MACROD2: variants seen among roughly 807,000 people sequenced by gnomAD.
The protein encoded by MACROD2 is ADP-ribose glycohydrolase MACROD2.
Under a neutral mutation model 70.4 loss-of-function variants are expected in MACROD2, and 36 were observed. The ratio of observed to expected loss-of-function variants is 0.51; its 90% CI spans 0.39 to 0.68. MACROD2 has a LOEUF of 0.68. Among genes scored for constraint, MACROD2 ranks in the 30% least tolerant of loss-of-function variants. The pLI is 0.00. For missense variants in MACROD2, 496 were observed against 538.4 expected, an observed-to-expected ratio of 0.92 and a Z score of 0.78; for synonymous variants, 172 against 178.8, an observed-to-expected ratio of 0.96 and a Z score of 0.30.
intron 3 of MACROD2, among the ~76,000 whole-genome samples, chr20:14,203,903 C>T (rs113785586): frequency 0.027 from 4,076 of 151,978 alleles, 53 homozygotes; most frequent in Non-Finnish European, 0.032. Flanking sequence ...GTGGGCTAGG[C>T]GGGCAGGTCC....
At chr20:15,418,201 G>C (rs2046181620) in intron 6 of MACROD2, among the ~76,000 whole-genome samples, 1 of 152,162 alleles carries the variant, frequency 6.6e-6, no homozygotes, top group Non-Finnish European at 1.5e-5. Flanking sequence ...TGAAGCCCAC[G>C]GAAGCTGTAG....
chr20:14,774,094 A>G (rs1175358484), intron 5 of MACROD2, among the ~76,000 whole-genome samples: 3 of 152,166 alleles, frequency 2.0e-5, no homozygotes, highest in East Asian at 3.9e-4. Context: ...TCTGTTTGTT[A>G]TCATTTGATA....
At chr20:14,595,256 T>C (rs1339191035) in intron 4 of MACROD2, among the ~76,000 whole-genome samples, 1 of 152,086 alleles carries the variant, frequency 6.6e-6, no homozygotes, top group Non-Finnish European at 1.5e-5. Context: ...TGCAGACAAT[T>C]TGAAGGGTGA....
chr20:14,795,015 G>A (rs889706536), intron 5 of MACROD2, among the ~76,000 whole-genome samples: 1 of 152,028 alleles, frequency 6.6e-6, no homozygotes, highest in Non-Finnish European at 1.5e-5. Flanking sequence ...AGAGGAAATA[G>A]GAAAGACACC....
chr20:14,463,644 C>T (rs1367344486), intron 3 of MACROD2, among the ~76,000 whole-genome samples: 1 of 152,036 alleles, frequency 6.6e-6, no homozygotes, highest in East Asian at 1.9e-4. Context: ...AGTTTTTGCC[C>T]ATTCAGTATG....
At chr20:15,664,311 A>G (rs6110715) in intron 8 of MACROD2, among the ~76,000 whole-genome samples, 16,960 of 152,242 alleles carry the variant, frequency 0.11, 1,358 homozygotes, top group East Asian at 0.37. Flanking sequence ...GATCAAAGAC[A>G]GAAGAGCAAG....
intron 5 of MACROD2, among the ~76,000 whole-genome samples, chr20:15,050,720 G>T (rs1446871433): frequency 2.0e-5 from 3 of 150,388 alleles, no homozygotes; most frequent in Non-Finnish European, 3.0e-5. Context: ...TGAAATGCTT[G>T]CTCTAGAGAG....
chr20:14,465,091 G>T (rs569933027), intron 3 of MACROD2, among the ~76,000 whole-genome samples: 1 of 152,152 alleles, frequency 6.6e-6, no homozygotes, highest in East Asian at 1.9e-4. Context: ...GGATATCCTT[G>T]TTAACTTTCT....
At chr20:15,033,167 C>T (rs951316776) in intron 5 of MACROD2, among the ~76,000 whole-genome samples, 7 of 152,060 alleles carry the variant, frequency 4.6e-5, no homozygotes, top group Non-Finnish European at 7.4e-5. Context: ...TGCACAAAAC[C>T]GTGGATGTAA....
chr20:15,113,685 G>T (rs779184808), intron 5 of MACROD2, among the ~76,000 whole-genome samples: 1 of 151,776 alleles, frequency 6.6e-6, no homozygotes, highest in Non-Finnish European at 1.5e-5. Flanking sequence ...TGTGGGTTTT[G>T]CCTGTTTCTT....
intron 5 of MACROD2, among the ~76,000 whole-genome samples, chr20:15,139,363 T>G (rs1055093825): frequency 3.9e-5 from 6 of 152,126 alleles, no homozygotes; most frequent in African/African-American, 1.4e-4. Context: ...TTGTATTTTT[T>G]TCCTTAGCTA....
chr20:15,194,493 A>T (rs1051756732), intron 5 of MACROD2, among the ~76,000 whole-genome samples: 2 of 152,114 alleles, frequency 1.3e-5, no homozygotes, highest in African/African-American at 4.8e-5. Context: ...AATAACGCAA[A>T]CAATTCTAGT....
intron 10 of MACROD2, among the ~76,000 whole-genome samples, chr20:15,890,720 C>T (rs1294208067): frequency 1.3e-5 from 2 of 152,088 alleles, no homozygotes; most frequent in South Asian, 2.1e-4. Context: ...TTTTTAATAG[C>T]ACATCTATCA....
At chr20:15,181,119 C>A (rs533463887) in intron 5 of MACROD2, among the ~76,000 whole-genome samples, 7 of 152,298 alleles carry the variant, frequency 4.6e-5, no homozygotes, top group Admixed American at 3.9e-4. Context: ...GCTGGCCCTG[C>A]AGAACCCGAG....
intron 3 of MACROD2, among the ~76,000 whole-genome samples, chr20:14,373,770 A>C (rs956773897): frequency 1.3e-5 from 2 of 152,180 alleles, no homozygotes; most frequent in African/African-American, 4.8e-5. Context: ...TAAATACAGG[A>C]GGTGCTCACA....
At chr20:15,350,332 ATGATTAAC>A (rs1175680879) in intron 6 of MACROD2, among the ~76,000 whole-genome samples, 1 of 152,218 alleles carries the variant, frequency 6.6e-6, no homozygotes, top group African/African-American at 2.4e-5. Context: ...AAAATTAATA[ATGATTAAC>A]TGTGTTTTTA....
rs567203467 is a variant in MACROD2, at chr20:14,144,466, A to G, written c.271+58738A>G. Reference sequence around the variant, plus strand: ...TTGATCTCCTACCTTTTACATATGGATTGATTCACTTTTCATTCATTCAAC... The same window carrying G: ...TTGATCTCCTACCTTTTACATATGGGTTGATTCACTTTTCATTCATTCAAC... On this transcript the variant is annotated intron_variant, in intron 3 of 17. Transcript: ENST00000684519. Among the ~76,000 whole-genome samples the G allele has an allele frequency of 5.3e-5, 8 of 152,182 alleles. No homozygotes were observed. In the South Asian group the frequency reaches 1.7e-3, roughly 32 times the overall value.
chr20:14,014,441 G>C (rs1029908351), intron 2 of MACROD2, among the ~76,000 whole-genome samples: 5 of 152,114 alleles, frequency 3.3e-5, no homozygotes, highest in Admixed American at 1.3e-4. Flanking sequence ...CTTTGATTTG[G>C]AACCAGGTTG....
At chr20:14,672,834 A>T (rs2070810920) in intron 4 of MACROD2, among the ~76,000 whole-genome samples, 1 of 152,158 alleles carries the variant, frequency 6.6e-6, no homozygotes, top group African/African-American at 2.4e-5. Context: ...ATGTATGTGT[A>T]TGTTTGCTTA....
Sources: gnomAD v4.1 joint callset for allele counts (sites outside exome capture counted in the v4.1 genomes callset) on GRCh38, gnomAD v4.1.1 for gene constraint, MANE v1.5 for transcripts, NCBI Gene and HGNC (gene_info 2026-07-23, HGNC 2026-07-21) for gene names.